The following SMOC1 variants were observed in gnomAD, a reference collection of about 807,000 sequenced individuals.
The protein encoded by SMOC1 is SPARC-related modular calcium-binding protein 1.
Under a neutral mutation model 56.3 loss-of-function variants are expected in SMOC1, and 22 were observed. The observed-to-expected ratio is 0.39, with a 90% CI of 0.28 to 0.56. SMOC1 has a LOEUF of 0.56. SMOC1 is among the 20% of genes least tolerant of loss of function. The probability of loss-of-function intolerance (pLI) is 0.61; values close to 1 mark genes in which losing one functional copy is unlikely to be tolerated. For missense variants in SMOC1, 509 were observed against 565.4 expected, an observed-to-expected ratio of 0.90 and a Z score of 1.01; for synonymous variants, 193 against 215.0, an observed-to-expected ratio of 0.90 and a Z score of 0.89.
At chr14:69,909,689 A>G (rs1362250900) in intron 1 of SMOC1, among the ~76,000 whole-genome samples, 1 of 152,216 alleles carries the variant, frequency 6.6e-6, no homozygotes, top group Non-Finnish European at 1.5e-5. Flanking sequence ...ATGCTGTGTA[A>G]AAAGCTTCCA....
In SMOC1 at chr14:70,030,299, C is replaced by A; in HGVS notation, c.*41C>A. 1 of 1,611,904 alleles carries A rather than the reference C, an allele frequency of 6.2e-7. No homozygotes were observed. The stretch of plus-strand genomic sequence containing the variant: ...AGGGCAGGTGGAGAGTCCAGGGAGG[C>A]AGGATGGATCACCAGACACCTAACC... On this transcript the variant is annotated 3_prime_UTR_variant, in exon 12 of 12. Coordinates refer to ENST00000361956, the MANE Select transcript of SMOC1 (RefSeq NM_001034852.3).
intron 1 of SMOC1, among the ~76,000 whole-genome samples, chr14:69,950,307 G>T (rs1882946971): frequency 6.6e-6 from 1 of 152,170 alleles, no homozygotes; most frequent in South Asian, 2.1e-4. Context: ...TTATGGACAG[G>T]TTCGGGCCCT....
chr14:69,914,777 C>A (rs1224433711), intron 1 of SMOC1, among the ~76,000 whole-genome samples: 1 of 152,192 alleles, frequency 6.6e-6, no homozygotes, highest in Non-Finnish European at 1.5e-5. Flanking sequence ...CCAAGTGCTG[C>A]CTGACAGTTC....
chr14:69,897,355 A>G (rs1366055030), intron 1 of SMOC1, among the ~76,000 whole-genome samples: 1 of 152,146 alleles, frequency 6.6e-6, no homozygotes. Context: ...TTTTCTTCTA[A>G]GTACTTTTAA....
At chr14:69,945,136 C>T (rs1431464245) in intron 1 of SMOC1, among the ~76,000 whole-genome samples, 2 of 152,186 alleles carry the variant, frequency 1.3e-5, no homozygotes, top group Admixed American at 6.5e-5. Flanking sequence ...ATTCCTCAAA[C>T]ATATACTGAA....
intron 3 of SMOC1, among the ~76,000 whole-genome samples, chr14:69,954,603 G>A (rs1382053639): frequency 6.6e-6 from 1 of 152,174 alleles, no homozygotes; most frequent in Non-Finnish European, 1.5e-5. Flanking sequence ...GGCAGCTTCT[G>A]TGAGAGTCAG....
At chr14:69,984,625 T>C (rs1229259335) in intron 5 of SMOC1, among the ~76,000 whole-genome samples, 3 of 151,696 alleles carry the variant, frequency 2.0e-5, no homozygotes, top group African/African-American at 4.8e-5. Context: ...GATGAACCAC[T>C]TGAGGCCAGG....
At chr14:70,018,408 G>T (rs527965512) in intron 10 of SMOC1, among the ~76,000 whole-genome samples, 18 of 152,210 alleles carry the variant, frequency 1.2e-4, no homozygotes, top group Non-Finnish European at 1.9e-4. Context: ...GTGCTACAAA[G>T]ATCTAAAAAT....
intron 5 of SMOC1, among the ~76,000 whole-genome samples, chr14:69,985,918 C>A (rs554678207): frequency 5.3e-5 from 8 of 152,212 alleles, no homozygotes; most frequent in African/African-American, 1.9e-4. Context: ...TATAAATAAA[C>A]CTTTATCATA....
rs764073270 is a variant in SMOC1, at chr14:70,016,467, G to C, written c.1046+2976G>C. On this transcript the variant is annotated intron_variant, in intron 10 of 11. Coordinates refer to ENST00000361956, the MANE Select transcript of SMOC1 (RefSeq NM_001034852.3). ...TGGACTTTAATCAAAAGACAGACAA[G>C]ATGCTTCAAGAAATAGTTTAGAAAT... Among the ~76,000 whole-genome samples the C allele has an allele frequency of 5.9e-5, 9 of 152,178 alleles. No individual in the cohort carries two copies. The East Asian group carries it at 1.7e-3, about 29-fold the overall frequency.
Position 69,994,104 on chromosome 14 carries a change from A to T in SMOC1, c.584-296A>T, listed in dbSNP as rs146035397. The T allele has an allele frequency of 5.7e-3, 2,621 of 456,914 alleles. 14 individuals are homozygous for T. The highest frequency in any genetic ancestry group is 8.2e-3 in the Non-Finnish European group (2,031 of 248,588). 28.3% of individuals were successfully genotyped at this position (456,914 alleles called of 1,614,324 possible). ...AGCTGAGAGGGACTTGGCTTGGCCC[A>T]TGTTCCTTACCTCCTGGGATAATAT... is the stretch of plus-strand genomic sequence containing the variant. On this transcript the variant is annotated intron_variant, in intron 6 of 11. Coordinates refer to ENST00000361956, the MANE Select transcript of SMOC1 (RefSeq NM_001034852.3).
intron 1 of SMOC1, among the ~76,000 whole-genome samples, chr14:69,943,673 CT>C (rs1295615358): frequency 8.8e-6 from 1 of 114,278 alleles, no homozygotes; most frequent in Non-Finnish European, 1.8e-5. Context: ...CCAAGAGTGG[CT>C]TTCCCCCCCC....
intron 7 of SMOC1, among the ~76,000 whole-genome samples, chr14:69,996,320 A>G (rs750403038): frequency 6.6e-6 from 1 of 152,146 alleles, no homozygotes; most frequent in African/African-American, 2.4e-5. Flanking sequence ...CCATAACCCT[A>G]TGAGATAGCT....
At chr14:69,934,427 T>C (rs1885246354) in intron 1 of SMOC1, among the ~76,000 whole-genome samples, 1 of 152,120 alleles carries the variant, frequency 6.6e-6, no homozygotes, top group East Asian at 1.9e-4. Context: ...TTGTCCCTCA[T>C]ATTTTCGTCC....
chr14:69,949,226 G>A lies in SMOC1; in HGVS notation c.100-2912G>A, dbSNP rs117476669. ...GGGATGGGAGAACATGGCTGAGGAC[G>A]GCAAGGCTGTAAGCACAGGGGCATG... On this transcript the variant is annotated intron_variant, in intron 1 of 11. Coordinates refer to ENST00000361956, the MANE Select transcript of SMOC1 (RefSeq NM_001034852.3). 1.7e-3 allele frequency among the ~76,000 whole-genome samples: 256 copies of A among 152,278 alleles called. 2 individuals carry two copies. The South Asian group carries it at 0.037, about 22-fold the overall frequency.
intron 3 of SMOC1, among the ~76,000 whole-genome samples, chr14:69,964,473 G>T (rs1258210416): frequency 6.6e-6 from 1 of 151,764 alleles, no homozygotes; most frequent in African/African-American, 2.4e-5. Context: ...CACCTCCTGG[G>T]TTCACGCCAT....
intron 3 of SMOC1, among the ~76,000 whole-genome samples, chr14:69,971,175 C>T (rs967735054): frequency 6.6e-6 from 1 of 152,194 alleles, no homozygotes; most frequent in Non-Finnish European, 1.5e-5. Flanking sequence ...TCTGCCACCA[C>T]GCCTACTAAT....
chr14:69,989,761 G>A (rs2139537412), intron 5 of SMOC1, among the ~76,000 whole-genome samples: 1 of 152,350 alleles, frequency 6.6e-6, no homozygotes, highest in South Asian at 2.1e-4. Context: ...GGGGCCTGGT[G>A]TTGCTCCAGG....
In SMOC1 at chr14:69,949,502, T is replaced by C. The variant is rs965942584; in HGVS notation, c.100-2636T>C. On this transcript the variant is annotated intron_variant, in intron 1 of 11. Transcript: ENST00000361956. ...TCCACTGGTAACCAAATCATGCAAA[T>C]GAATTCTTCATTACAAACTGTGTGA... is the stretch of plus-strand genomic sequence containing the variant. 1.4e-4 allele frequency among the ~76,000 whole-genome samples: 22 copies of C among 152,198 alleles called. 2 individuals are homozygous for C. The highest frequency in any genetic ancestry group is 1.4e-3 in the Admixed American group (22 of 15,300).
Sources: allele counts gnomAD v4.1 joint callset (sites outside exome capture counted in the v4.1 genomes callset), GRCh38; gene constraint gnomAD v4.1.1; transcripts MANE v1.5; gene names NCBI Gene and HGNC (gene_info 2026-07-23, HGNC 2026-07-21).